The following ENDOD1 variants were observed in gnomAD, a reference collection of about 807,000 sequenced individuals.
ENDOD1 encodes the protein endonuclease domain containing 1, also known as endonuclease domain-containing 1 protein.
A neutral mutation model predicts 6.5 loss-of-function variants in ENDOD1; 9 were observed. That is an observed-to-expected ratio of 1.39 (90% CI 0.84 to 2.43). ENDOD1 has a LOEUF of 2.43. ENDOD1 is among the 30% of genes most tolerant of loss of function. The pLI is 0.00. For missense variants in ENDOD1, 648 were observed against 635.5 expected (o/e 1.02, Z -0.21); for synonymous variants, 255 against 255.2 (o/e 1.00, Z 0.01).
At chr11:95,096,227 CTTTTTT>C (rs10660230) in intron 1 of ENDOD1, among the ~76,000 whole-genome samples, 9 of 49,964 alleles carry the variant, frequency 1.8e-4, no homozygotes, top group East Asian at 6.8e-4. Flanking sequence ...GTCAAGAAAG[CTTTTTT>C]TTTTTTTTTT....
intron 1 of ENDOD1, among the ~76,000 whole-genome samples, chr11:95,097,716 GTAT>G (rs1267052743): frequency 6.6e-6 from 1 of 152,192 alleles, no homozygotes; most frequent in East Asian, 1.9e-4. Context: ...CAAGACAGTA[GTAT>G]CTTGGATCAA....
intron 1 of ENDOD1, among the ~76,000 whole-genome samples, chr11:95,112,642 T>C (rs1859162387): frequency 6.6e-6 from 1 of 152,244 alleles, no homozygotes; most frequent in African/African-American, 2.4e-5. Context: ...AAAGCTTTAC[T>C]GACCTATCTG....
At chr11:95,123,312 G>C (rs1859280713) in intron 1 of ENDOD1, among the ~76,000 whole-genome samples, 1 of 149,938 alleles carries the variant, frequency 6.7e-6, no homozygotes, top group Non-Finnish European at 1.5e-5. Context: ...AGTTGCAAAA[G>C]ATAAAATTGA....
At chr11:95,108,518 C>CACACACACACACACACACACAA (rs1255530859) in intron 1 of ENDOD1, among the ~76,000 whole-genome samples, 2 of 151,592 alleles carry the variant, frequency 1.3e-5, no homozygotes, top group African/African-American at 4.8e-5. Flanking sequence ...CACACACACA[C>CACACACACACACACACACACAA]ACACACACAG....
At chr11:95,122,586 A>G (rs1012207285) in intron 1 of ENDOD1, among the ~76,000 whole-genome samples, 10 of 103,400 alleles carry the variant, frequency 9.7e-5, no homozygotes, top group African/African-American at 3.4e-4. Flanking sequence ...TGGGCATTTA[A>G]GTTACACACA....
chr11:95,097,359 T>A lies in ENDOD1; in HGVS notation c.300+7132T>A, dbSNP rs147628716. Reference sequence around the variant, plus strand: ...AGGCATCTATAGAGGGGGAAAACGTTCTGGGTAAAGGGAATGGTAATTGCA... The same window carrying A: ...AGGCATCTATAGAGGGGGAAAACGTACTGGGTAAAGGGAATGGTAATTGCA... On this transcript the variant is annotated intron_variant, in intron 1 of 1. Coordinates refer to ENST00000278505, the MANE Select transcript of ENDOD1 (RefSeq NM_015036.3). 1.8e-4 allele frequency among the ~76,000 whole-genome samples: 28 copies of A among 152,162 alleles called. No individual in the cohort carries two copies. The East Asian group carries it at 3.1e-3, about 17-fold the overall frequency.
chr11:95,105,162 C>T (rs1348140082), intron 1 of ENDOD1, among the ~76,000 whole-genome samples: 3 of 152,212 alleles, frequency 2.0e-5, no homozygotes, highest in Non-Finnish European at 4.4e-5. Context: ...AAACAGATGG[C>T]ACTCTCAAAA....
intron 1 of ENDOD1, among the ~76,000 whole-genome samples, chr11:95,099,915 G>C (rs782034559): frequency 1.4e-4 from 21 of 152,102 alleles, no homozygotes; most frequent in Non-Finnish European, 2.6e-4. Context: ...GGTTAAATAG[G>C]AACCCCATAA....
intron 1 of ENDOD1, among the ~76,000 whole-genome samples, chr11:95,093,575 T>C (rs1555110046): frequency 6.6e-6 from 1 of 152,232 alleles, no homozygotes; most frequent in Non-Finnish European, 1.5e-5. Flanking sequence ...TCTCCCCAAC[T>C]TGAGCCCTTG....
At chr11:95,112,005 T>A (rs1357463826) in intron 1 of ENDOD1, among the ~76,000 whole-genome samples, 1 of 152,198 alleles carries the variant, frequency 6.6e-6, no homozygotes, top group Non-Finnish European at 1.5e-5. Flanking sequence ...TGCTGCAGTC[T>A]CCTGTTGCTC....
At chr11:95,110,574 C>CGTGTGT (rs758027047) in intron 1 of ENDOD1, among the ~76,000 whole-genome samples, 197 of 138,808 alleles carry the variant, frequency 1.4e-3, no homozygotes, top group Non-Finnish European at 2.0e-3. Context: ...CTTTCAAGTC[C>CGTGTGT]GTGTATGTAT....
chr11:95,113,082 A>G (rs1387939865), intron 1 of ENDOD1, among the ~76,000 whole-genome samples: 1 of 151,506 alleles, frequency 6.6e-6, no homozygotes, highest in Non-Finnish European at 1.5e-5. Context: ...TTTATTGGGT[A>G]TATAAGATAT....
Position 95,097,069 on chromosome 11 carries a change from C to A in ENDOD1, c.300+6842C>A, listed in dbSNP as rs141480701. On this transcript the variant is annotated intron_variant, in intron 1 of 1. Coordinates refer to ENST00000278505, the MANE Select transcript of ENDOD1 (RefSeq NM_015036.3). ...CTCATGGAGGCTAAGGTGGGAGGAT[C>A]ATTTGGGCCTGGGAGGTAGAGGCTG... Among the ~76,000 whole-genome samples the A allele has an allele frequency of 5.4e-5, 8 of 149,042 alleles. No homozygotes were observed. The East Asian group carries it at 1.6e-3, about 30-fold the overall frequency.
In ENDOD1 at chr11:95,132,356, A is replaced by G. The variant is rs1001695772; in HGVS notation, c.*2777A>G. On this transcript the variant is annotated 3_prime_UTR_variant, in exon 2 of 2. Transcript: ENST00000278505. The stretch of plus-strand genomic sequence containing the variant: ...TCAGTCATTCGTTCATCTGTCAAAC[A>G]CGTATTTGGACATCAAGGTTGCAGA... 2 of 152,648 alleles carry G rather than the reference A, an allele frequency of 1.3e-5. No individual in the cohort carries two copies. Among genetic ancestry groups the G allele is most frequent in the Non-Finnish European group, 2.9e-5 (2 of 68,042 alleles). 9.5% of individuals were successfully genotyped at this position (152,648 alleles called of 1,614,324 possible).
At chr11:95,092,648 T>C (rs641308) in intron 1 of ENDOD1, among the ~76,000 whole-genome samples, 141,643 of 152,166 alleles carry the variant, frequency 0.93, 65,941 homozygotes, top group Admixed American at 0.96. Flanking sequence ...GCCTCCCACA[T>C]CCACCCGCTC....
At chr11:95,102,277 A>T (rs1489394105) in intron 1 of ENDOD1, among the ~76,000 whole-genome samples, 1 of 152,194 alleles carries the variant, frequency 6.6e-6, no homozygotes, top group African/African-American at 2.4e-5. Context: ...CAGGAGAAAA[A>T]AAGGGAAATT....
At position 95,090,119 on chromosome 11, in the gene ENDOD1, C is replaced by G. The variant is rs1555109674; in HGVS notation, c.192C>G (p.Arg64=). ...KICQRAEGAE[R]FATLYSTRDR... is the part of the protein sequence containing the mutation. ...GTCAGCGCGCGGAGGGTGCTGAGCG[C>G]TTCGCCACCCTCTACAGCACCCGGG... Residue 64 remains arginine (R), a synonymous_variant, in exon 1 of 2, where the codon CGC becomes CGG. Transcript: ENST00000278505. 1 of 1,565,952 alleles carries G rather than the reference C, an allele frequency of 6.4e-7. No individual in the cohort carries two copies. The highest frequency in any genetic ancestry group is 1.8e-5 in the Admixed American group (1 of 54,782).
At chr11:95,101,522 T>A (rs1012252110) in intron 1 of ENDOD1, among the ~76,000 whole-genome samples, 5 of 143,630 alleles carry the variant, frequency 3.5e-5, no homozygotes, top group African/African-American at 1.2e-4. Flanking sequence ...AATACTTAGT[T>A]TTTTAAGATT....
At chr11:95,093,281 G>T (rs930712942) in intron 1 of ENDOD1, among the ~76,000 whole-genome samples, 2 of 152,178 alleles carry the variant, frequency 1.3e-5, no homozygotes, top group Non-Finnish European at 2.9e-5. Flanking sequence ...TTATCCAGCT[G>T]CCTGGAGTTC....
Sources: gnomAD v4.1 joint callset for allele counts (sites outside exome capture counted in the v4.1 genomes callset) on GRCh38, gnomAD v4.1.1 for gene constraint, MANE v1.5 for transcripts, NCBI Gene and HGNC (gene_info 2026-07-23, HGNC 2026-07-21) for gene names.